The following AP3M2 variants were observed in gnomAD, a reference collection of about 807,000 sequenced individuals.
The protein encoded by AP3M2 is adaptor related protein complex 3 subunit mu 2.
A neutral mutation model predicts 41.6 loss-of-function variants in AP3M2; 28 were observed. The ratio of observed to expected loss-of-function variants is 0.67; its 90% confidence interval spans 0.50 to 0.92. AP3M2 has a LOEUF of 0.92. Among genes scored for constraint, AP3M2 ranks in the 40% least tolerant of loss-of-function variants. AP3M2 has a pLI of 0.00. For missense variants in AP3M2, 427 were observed against 521.4 expected, an observed-to-expected ratio of 0.82 and a Z score of 1.76; for synonymous variants, 193 against 186.4, an observed-to-expected ratio of 1.04 and a Z score of -0.29.
At chr8:42,162,514 C>A (rs933915258) in intron 4 of AP3M2, 96 bp downstream of exon 4, 12 of 1,411,794 alleles carry the variant, frequency 8.5e-6, no homozygotes, top group Non-Finnish European at 1.1e-5. Flanking sequence ...CATTCAAGGT[C>A]ATCCACTTCA....
At chr8:42,153,939 T>C (rs957421628) in intron 1 of AP3M2, 3 of 152,276 alleles carry the variant, frequency 2.0e-5, no homozygotes, top group Non-Finnish European at 4.4e-5. Context: ...AAACCACATA[T>C]GTAATTGTAC....
chr8:42,163,136 T>C (rs1030082302), intron 4 of AP3M2, among the ~76,000 whole-genome samples: 1 of 152,038 alleles, frequency 6.6e-6, no homozygotes, highest in Non-Finnish European at 1.5e-5. Context: ...TCAGAATTTG[T>C]AGAAGCCAGT....
chr8:42,155,755 C>G, intron 2 of AP3M2: 1 of 224,538 alleles, frequency 4.5e-6, no homozygotes, highest in Non-Finnish European at 9.2e-6. Flanking sequence ...AAGCGAGGGC[C>G]TTTTGGTTTA....
chr8:42,166,591 CAAAA>C (rs56858276), intron 6 of AP3M2, among the ~76,000 whole-genome samples: 14 of 77,080 alleles, frequency 1.8e-4, no homozygotes, highest in African/African-American at 5.3e-4. Context: ...CTTGTCTCTA[CAAAA>C]AAAAAAAAAA....
At chr8:42,163,872 C>G (rs1337398156) in intron 4 of AP3M2, among the ~76,000 whole-genome samples, 1 of 151,982 alleles carries the variant, frequency 6.6e-6, no homozygotes. Flanking sequence ...TACTGTTTAC[C>G]TCAACGAAAA....
intron 8 of AP3M2, 31 bp from the exon 9 acceptor site, chr8:42,168,930 T>A (rs1330802173): frequency 1.3e-6 from 2 of 1,517,402 alleles, no homozygotes; most frequent in Non-Finnish European, 1.8e-6. Context: ...ATAATACTCA[T>A]GTCTATTTTC....
chr8:42,157,814 G>A (rs902816411), intron 2 of AP3M2, 127 bp from the exon 3 acceptor site: 81 of 682,090 alleles, frequency 1.2e-4, no homozygotes, highest in South Asian at 8.9e-4. Context: ...GCATTCCCTC[G>A]TTGTAGAAGA....
At position 42,167,144 on chromosome 8, in the gene AP3M2, T is replaced by C. The variant is rs1163183541; in HGVS notation, c.804-20T>C. On this transcript the variant is annotated intron_variant, in intron 6 of 8. Transcript: ENST00000396926. ...TTTCCCAGTGCACGAATGAAATGACTCTTTGTCTCTCATTTCCAGTCTGGT... is the reference window on the plus strand; with the variant it reads ...TTTCCCAGTGCACGAATGAAATGACCCTTTGTCTCTCATTTCCAGTCTGGT... 7.5e-6 allele frequency: 12 copies of C among 1,607,342 alleles called. No individual in the cohort carries two copies. The highest frequency in any genetic ancestry group is 1.0e-5 in the Non-Finnish European group (12 of 1,173,842).
chr8:42,165,312 T>A (rs1804609259), intron 5 of AP3M2, 115 bp from the exon 6 acceptor site: 1 of 1,462,932 alleles, frequency 6.8e-7, no homozygotes, highest in Non-Finnish European at 9.4e-7. Flanking sequence ...CTACATGATT[T>A]CTGTGTGTGT....
intron 2 of AP3M2, among the ~76,000 whole-genome samples, chr8:42,157,295 A>T (rs2150957339): frequency 1.3e-5 from 2 of 152,354 alleles, no homozygotes; most frequent in South Asian, 4.1e-4. Context: ...GATCAAAATT[A>T]ATTAACATGA....
intron 2 of AP3M2, among the ~76,000 whole-genome samples, chr8:42,155,605 G>A (rs1381739681): frequency 2.0e-5 from 3 of 152,150 alleles, no homozygotes; most frequent in African/African-American, 4.8e-5. Context: ...GTCCAAGGGA[G>A]GTCAGTGATA....
chr8:42,168,229 G>A, intron 8 of AP3M2: 1 of 457,502 alleles, frequency 2.2e-6, no homozygotes, highest in Non-Finnish European at 4.4e-6. Flanking sequence ...TTTCTATTTT[G>A]GAACCACTGG....
intron 6 of AP3M2, 57 bp downstream of exon 6, chr8:42,165,617 C>T (rs888443739): frequency 6.3e-7 from 1 of 1,592,106 alleles, no homozygotes; most frequent in Non-Finnish European, 8.6e-7. Context: ...ATGTGGAAAC[C>T]GTATCTGTGG....
chr8:42,162,090 C>A, intron 3 of AP3M2, 191 bp from the exon 4 acceptor site: 1 of 450,120 alleles, frequency 2.2e-6, no homozygotes, highest in Non-Finnish European at 3.8e-6. Flanking sequence ...AAAGGCAGAC[C>A]AGATGGCAAC....
At chr8:42,157,917 A>G (rs750634518) in intron 2 of AP3M2, 24 bp from the exon 3 acceptor site, 36 of 1,595,240 alleles carry the variant, frequency 2.3e-5, no homozygotes, top group South Asian at 2.2e-4. Flanking sequence ...TGAGTGATCA[A>G]TGTGTATATT....
chr8:42,165,313 C>CTGTGTG (rs150897190), intron 5 of AP3M2, 114 bp from the exon 6 acceptor site: 1 of 1,402,138 alleles, frequency 7.1e-7, no homozygotes, highest in Admixed American at 2.0e-5. Context: ...TACATGATTT[C>CTGTGTG]TGTGTGTGTG....
chr8:42,166,766 C>T (rs1433024460), intron 6 of AP3M2: 1 of 177,318 alleles, frequency 5.6e-6, no homozygotes, highest in Non-Finnish European at 1.2e-5. Flanking sequence ...GACCCTATCT[C>T]AAAAAAAAAA....
intron 8 of AP3M2, chr8:42,168,262 T>C (rs1434275308): frequency 2.2e-6 from 1 of 456,854 alleles, no homozygotes. Context: ...CAGTTCACTA[T>C]AGTCTGTGCC....
chr8:42,157,156 ATTCCATTTTGTAGTGCTTTATAGT>A (rs1348800663), intron 2 of AP3M2, among the ~76,000 whole-genome samples: 1 of 152,226 alleles, frequency 6.6e-6, no homozygotes, highest in African/African-American at 2.4e-5. Context: ...ATGATCACGC[ATTCCATTTTGTAGTGCTTTATAGT>A]TTACAAAGTA....
Sources: allele counts gnomAD v4.1 joint callset (sites outside exome capture counted in the v4.1 genomes callset), GRCh38; gene constraint gnomAD v4.1.1; transcripts MANE v1.5; gene names NCBI Gene and HGNC (gene_info 2026-07-23, HGNC 2026-07-21).